Variants in TXNRD3 observed in about 807,000 individuals in gnomAD.
The protein encoded by TXNRD3 is TXNRD3 neighbor gene protein.
In TXNRD3, 68 loss-of-function variants were observed where a neutral mutation model predicts 78.2. The ratio of observed to expected loss-of-function variants is 0.87; its 90% confidence interval spans 0.72 to 1.06. The LOEUF is 1.06. Ranked by LOEUF, TXNRD3 falls within the 50% of genes least tolerant of loss-of-function variation. The probability of loss-of-function intolerance (pLI) is 0.00; values close to 1 mark genes in which losing one functional copy is unlikely to be tolerated. For synonymous variants in TXNRD3, 296 were observed against 300.1 expected (o/e 0.99, Z 0.14); for missense variants, 751 against 809.5 (o/e 0.93, Z 0.88).
At chr3:126,611,263 C>G (rs1181240930) in intron 13 of TXNRD3, 131 bp from the exon 14 acceptor site, 2 of 490,018 alleles carry the variant, frequency 4.1e-6, no homozygotes, top group Non-Finnish European at 6.8e-6. Flanking sequence ...GTGACCCCAA[C>G]TTTATGTATC....
At chr3:126,629,582 A>G (rs1423210537) in intron 9 of TXNRD3, 111 bp from the exon 10 acceptor site, 5 of 741,340 alleles carry the variant, frequency 6.7e-6, no homozygotes, top group Middle Eastern at 4.8e-4. Flanking sequence ...GTGGTGGTAC[A>G]TATAATAGGT....
chr3:126,650,018 A>G (rs1933335076), intron 1 of TXNRD3, among the ~76,000 whole-genome samples: 2 of 152,246 alleles, frequency 1.3e-5, no homozygotes, highest in African/African-American at 4.8e-5. Flanking sequence ...TGTGAATTTT[A>G]TCACAATATT....
In TXNRD3 at chr3:126,629,476, T is replaced by A. The variant is rs181207872; in HGVS notation, c.1198-5A>T. ...ACCTTTCTCCAACTGTTGAACCTAG[T>A]AAGAATGAAGAGTGTAATGATGTTA... On this transcript the variant is annotated splice_polypyrimidine_tract_variant and splice_region_variant and intron_variant, in intron 9 of 15. Coordinates refer to ENST00000524230, the MANE Select transcript of TXNRD3 (RefSeq NM_052883.3). The A allele has an allele frequency of 1.3e-6, 2 of 1,531,758 alleles. No homozygotes were observed. The highest frequency in any genetic ancestry group is 1.7e-6 in the Non-Finnish European group (2 of 1,143,238). The allele number at this position is 1,531,758 out of a possible 1,614,324, so 94.9% of individuals were successfully genotyped here.
At chr3:126,616,941 C>T (rs1168261586) in intron 12 of TXNRD3, among the ~76,000 whole-genome samples, 1 of 152,152 alleles carries the variant, frequency 6.6e-6, no homozygotes, top group Non-Finnish European at 1.5e-5. Flanking sequence ...CTGACAAAAT[C>T]ACATAACTAT....
chr3:126,607,923 C>G lies in TXNRD3; in HGVS notation c.1914G>C (p.Gln638His). ...AGCAGGCCTAGCCTCAGCAGCCTTTCTGAGTGATGTCTAGTCCTGACGACT... is the reference window on the plus strand; with the variant it reads ...AGCAGGCCTAGCCTCAGCAGCCTTTGTGAGTGATGTCTAGTCCTGACGACT... The change falls in exon 16 of 16, where the codon CAG becomes CAC. Residue 638 changes from glutamine (Q) to histidine (H), a missense_variant. Physicochemically the swap from Gln to His is conservative, Grantham distance 24. Transcript: ENST00000524230. 1 of 1,516,864 alleles carries G rather than the reference C, an allele frequency of 6.6e-7. No homozygotes were observed. The highest frequency in any genetic ancestry group is 8.8e-7 in the Non-Finnish European group (1 of 1,131,908). 94.0% of individuals were successfully genotyped at this position (1,516,864 alleles called of 1,614,324 possible).
chr3:126,645,588 C>G (rs1350253344), intron 3 of TXNRD3, among the ~76,000 whole-genome samples: 1 of 152,040 alleles, frequency 6.6e-6, no homozygotes, highest in African/African-American at 2.4e-5. Context: ...AAGGATATGA[C>G]AGAGTAGAAT....
At chr3:126,646,281 A>C (rs1933231795) in intron 2 of TXNRD3, 61 bp from the exon 3 acceptor site, 1 of 1,272,692 alleles carries the variant, frequency 7.9e-7, no homozygotes, top group African/African-American at 2.1e-5. Flanking sequence ...TTTGTGAGTT[A>C]AACAAAGTGT....
At chr3:126,623,863 A>AAAAAAAAAAAAAAAG (rs1454638515) in intron 10 of TXNRD3, among the ~76,000 whole-genome samples, 1 of 151,428 alleles carries the variant, frequency 6.6e-6, no homozygotes, top group Non-Finnish European at 1.5e-5. Flanking sequence ...AAAAAAAAAA[A>AAAAAAAAAAAAAAAG]AAAAAAAGAT....
chr3:126,654,938 G>C lies in TXNRD3; in HGVS notation c.53C>G (p.Pro18Arg), dbSNP rs1933480028. 5.4e-6 allele frequency: 7 copies of C among 1,296,564 alleles called. No homozygotes were observed. The Admixed American group carries it at 2.9e-4, about 54-fold the overall frequency. 80.3% of individuals were successfully genotyped at this position (1,296,564 alleles called of 1,614,324 possible). The change falls in exon 1 of 16, where the codon CCC becomes CGC. Residue 18 changes from proline (P) to arginine (R), a missense_variant. Pro to Arg is a moderately radical substitution (Grantham distance 103, BLOSUM62 -2). Coordinates refer to ENST00000524230, the MANE Select transcript of TXNRD3 (RefSeq NM_052883.3). ...TCGGACATGGCCCGAGCGGCGGTTG[G>C]GGGCATCGCCCGCCTTTCCCGGCCC... is the stretch of plus-strand genomic sequence containing the variant.
intron 6 of TXNRD3, among the ~76,000 whole-genome samples, chr3:126,637,222 C>T (rs964204481): frequency 6.6e-6 from 1 of 151,938 alleles, no homozygotes; most frequent in Non-Finnish European, 1.5e-5. Flanking sequence ...ACATTATGAC[C>T]ACTAATTTTT....
At chr3:126,623,435 T>G (rs758207772) in intron 10 of TXNRD3, among the ~76,000 whole-genome samples, 2 of 152,188 alleles carry the variant, frequency 1.3e-5, no homozygotes, top group Non-Finnish European at 2.9e-5. Flanking sequence ...TGAATATAGA[T>G]GTAAAATCTT....
chr3:126,623,277 C>A (rs892611724), intron 10 of TXNRD3, among the ~76,000 whole-genome samples: 1 of 151,972 alleles, frequency 6.6e-6, no homozygotes, highest in Non-Finnish European at 1.5e-5. Flanking sequence ...TACTTAAGTA[C>A]GAAATAATGC....
At position 126,644,341 on chromosome 3, in the gene TXNRD3, G is replaced by A. The variant is rs1933178605; in HGVS notation, c.475C>T (p.Leu159Phe). 6.5e-7 allele frequency: 1 copy of A among 1,536,250 alleles called. No individual in the cohort carries two copies. The highest frequency in any genetic ancestry group is 1.4e-5 in the African/African-American group (1 of 72,978). ...CCAGAACCACCACCGATGATGATGAGATCATAATCATATGCCAAATCTTCC... is the reference window on the plus strand; with the variant it reads ...CCAGAACCACCACCGATGATGATGAAATCATAATCATATGCCAAATCTTCC... Residue 159 changes from leucine (L) to phenylalanine (F), a missense_variant, in exon 4 of 16, where the codon CTC becomes TTC. Physicochemically the swap from Leu to Phe is conservative, Grantham distance 22. Transcript: ENST00000524230.
chr3:126,647,104 G>T, intron 2 of TXNRD3, 132 bp downstream of exon 2: 1 of 612,196 alleles, frequency 1.6e-6, no homozygotes, highest in Non-Finnish European at 2.7e-6. Flanking sequence ...TTTCTGCATG[G>T]CTGAATGTAG....
intron 6 of TXNRD3, 135 bp downstream of exon 6, chr3:126,641,897 T>C: frequency 8.8e-7 from 1 of 1,139,368 alleles, no homozygotes; most frequent in Non-Finnish European, 1.2e-6. Context: ...TGTGCCTGGC[T>C]GACACAGTAG....
At chr3:126,618,849 A>T (rs1402634202) in intron 12 of TXNRD3, among the ~76,000 whole-genome samples, 1 of 150,316 alleles carries the variant, frequency 6.7e-6, no homozygotes, top group East Asian at 1.9e-4. Flanking sequence ...CAAGGAACTC[A>T]AACAACTCAG....
chr3:126,608,500 T>C lies in TXNRD3; in HGVS notation c.1862A>G (p.Glu621Gly). Residue 621 changes from glutamate to glycine, a missense_variant and splice_region_variant, in exon 15 of 16, where the codon GAG becomes GGG. Coordinates refer to ENST00000524230, the MANE Select transcript of TXNRD3 (RefSeq NM_052883.3). The stretch of plus-strand genomic sequence containing the variant: ...TTTTTAAAACCTCCTGTTTCCTACC[T>C]CCCCACATGTGGGGTGAATTCCAAT... 6.5e-7 allele frequency: 1 copy of C among 1,527,050 alleles called. No homozygotes were observed. Among genetic ancestry groups the C allele is most frequent in the Admixed American group, 2.0e-5 (1 of 48,806 alleles). The allele number at this position is 1,527,050 out of a possible 1,614,324, so 94.6% of individuals were successfully genotyped here. A position where few individuals can be genotyped will look rare whatever the true frequency, so the allele number is the denominator to read the frequency against.
At chr3:126,609,217 T>G in intron 14 of TXNRD3, 1 of 413,156 alleles carries the variant, frequency 2.4e-6, no homozygotes. Flanking sequence ...CAATGTTCCT[T>G]CATCAGATTA....
intron 4 of TXNRD3, 34 bp downstream of exon 4, chr3:126,644,263 A>G: frequency 6.6e-7 from 1 of 1,512,608 alleles, no homozygotes; most frequent in Non-Finnish European, 8.9e-7. Flanking sequence ...GTCATCAGGA[A>G]AATTATCTAC....
Sources: allele counts gnomAD v4.1 joint callset (sites outside exome capture counted in the v4.1 genomes callset), GRCh38; gene constraint gnomAD v4.1.1; transcripts MANE v1.5; gene names NCBI Gene and HGNC (gene_info 2026-07-23, HGNC 2026-07-21).